The following PHACTR1 variants were observed in gnomAD, a reference collection of about 807,000 sequenced individuals.
PHACTR1 encodes phosphatase and actin regulator 1, also known as RPEL repeat containing 1.
In PHACTR1, 16 loss-of-function variants were observed where a neutral mutation model predicts 69.2. The observed-to-expected ratio is 0.23, with a 90% CI of 0.16 to 0.35. PHACTR1 has a LOEUF of 0.35. Among genes scored for constraint, PHACTR1 ranks in the 10% least tolerant of loss-of-function variants. The pLI is 1.00. For missense variants in PHACTR1, 510 were observed against 734.7 expected, an observed-to-expected ratio of 0.69 and a Z score of 3.54; for synonymous variants, 312 against 284.5, an observed-to-expected ratio of 1.10 and a Z score of -0.97.
At chr6:13,213,803 G>A (rs1301456748) in intron 8 of PHACTR1, among the ~76,000 whole-genome samples, 1 of 152,150 alleles carries the variant, frequency 6.6e-6, no homozygotes, top group Non-Finnish European at 1.5e-5. Flanking sequence ...CTTGATCTTG[G>A]ACTTTCCAGC....
chr6:12,930,987 G>A (rs1788801904), intron 4 of PHACTR1, among the ~76,000 whole-genome samples: 2 of 95,300 alleles, frequency 2.1e-5, no homozygotes, highest in African/African-American at 4.1e-5. Flanking sequence ...GGGGAAACAA[G>A]AGCAAAACTC....
chr6:13,249,847 A>T (rs1374256253), intron 10 of PHACTR1, among the ~76,000 whole-genome samples: 1 of 151,232 alleles, frequency 6.6e-6, no homozygotes, highest in Non-Finnish European at 1.5e-5. Flanking sequence ...CACCTATTTC[A>T]TTTTTCATTG....
intron 4 of PHACTR1, among the ~76,000 whole-genome samples, chr6:12,789,551 G>A (rs1249917852): frequency 6.6e-6 from 1 of 151,924 alleles, no homozygotes; most frequent in Non-Finnish European, 1.5e-5. Context: ...CACTCTTCCA[G>A]ACTCTATACT....
At chr6:12,750,534 AGGAG>A (rs1328671086) in intron 4 of PHACTR1, among the ~76,000 whole-genome samples, 1 of 132,940 alleles carries the variant, frequency 7.5e-6, no homozygotes, top group Non-Finnish European at 1.6e-5. Flanking sequence ...GAAGGAAAGA[AGGAG>A]GGAAGGAAGG....
At chr6:12,957,571 C>G in intron 4 of PHACTR1, 1 of 985,664 alleles carries the variant, frequency 1.0e-6, no homozygotes, top group Non-Finnish European at 1.2e-6. Flanking sequence ...GCCCCACCGG[C>G]TGGAGGCTGC....
chr6:13,037,895 T>C (rs1478654912), intron 4 of PHACTR1, among the ~76,000 whole-genome samples: 8 of 152,178 alleles, frequency 5.3e-5, no homozygotes, highest in Admixed American at 5.2e-4. Context: ...CCAGTTTTGA[T>C]GATGAGTTAG....
At chr6:12,806,044 C>G (rs1774291107) in intron 4 of PHACTR1, among the ~76,000 whole-genome samples, 1 of 152,186 alleles carries the variant, frequency 6.6e-6, no homozygotes, top group South Asian at 2.1e-4. Context: ...TCTCCTACCC[C>G]TTTTTCCCAA....
intron 4 of PHACTR1, among the ~76,000 whole-genome samples, chr6:12,982,247 A>T (rs1795608514): frequency 6.6e-6 from 1 of 152,166 alleles, no homozygotes; most frequent in South Asian, 2.1e-4. Flanking sequence ...GACAACCCCT[A>T]ATAGTCCTCT....
intron 4 of PHACTR1, among the ~76,000 whole-genome samples, chr6:12,896,717 G>C (rs1784707666): frequency 6.6e-6 from 1 of 152,220 alleles, no homozygotes; most frequent in Non-Finnish European, 1.5e-5. Flanking sequence ...AGGGAATAAA[G>C]TGTCTCCTTT....
At chr6:13,072,902 G>A (rs1809756655) in intron 5 of PHACTR1, among the ~76,000 whole-genome samples, 1 of 152,170 alleles carries the variant, frequency 6.6e-6, no homozygotes, top group South Asian at 2.1e-4. Flanking sequence ...ATAATGGTGT[G>A]AAGTTAAGGT....
intron 5 of PHACTR1, among the ~76,000 whole-genome samples, chr6:13,068,894 T>C (rs1355300653): frequency 6.6e-6 from 1 of 152,114 alleles, no homozygotes; most frequent in Admixed American, 6.5e-5. Flanking sequence ...AGGTACTAAA[T>C]GGAGCGACCT....
chr6:12,997,556 T>C (rs1235956758), intron 4 of PHACTR1, among the ~76,000 whole-genome samples: 1 of 152,056 alleles, frequency 6.6e-6, no homozygotes, highest in African/African-American at 2.4e-5. Context: ...ATTTATACAT[T>C]GCGTGATGAT....
intron 3 of PHACTR1, among the ~76,000 whole-genome samples, chr6:12,727,603 C>G (rs750498265): frequency 5.9e-5 from 9 of 152,292 alleles, no homozygotes; most frequent in East Asian, 1.9e-4. Flanking sequence ...CATTCCTGCT[C>G]TCACATACCA....
intron 5 of PHACTR1, among the ~76,000 whole-genome samples, chr6:13,074,777 A>G (rs1405474270): frequency 6.6e-6 from 1 of 152,214 alleles, no homozygotes; most frequent in Non-Finnish European, 1.5e-5. Context: ...ATCTTTCTAC[A>G]CAGTGGAGTA....
chr6:13,207,424 G>A (rs1040329263), intron 8 of PHACTR1, among the ~76,000 whole-genome samples: 1 of 152,146 alleles, frequency 6.6e-6, no homozygotes, highest in Non-Finnish European at 1.5e-5. Flanking sequence ...CACTACCAAG[G>A]CAGCTCCCTC....
At chr6:12,834,027 G>A (rs2127732824) in intron 4 of PHACTR1, among the ~76,000 whole-genome samples, 1 of 152,228 alleles carries the variant, frequency 6.6e-6, no homozygotes, top group East Asian at 1.9e-4. Context: ...TCCCCATCCT[G>A]ACAGTAGGCT....
chr6:13,228,162 C>T, intron 9 of PHACTR1, 99 bp downstream of exon 9: 1 of 1,439,224 alleles, frequency 6.9e-7, no homozygotes, highest in Non-Finnish European at 9.3e-7. Context: ...GGGTTCTAAT[C>T]CCTGCTCTGG....
intron 8 of PHACTR1, among the ~76,000 whole-genome samples, chr6:13,226,726 C>T (rs1247991445): frequency 6.7e-6 from 1 of 150,158 alleles, no homozygotes; most frequent in Admixed American, 6.7e-5. Context: ...TTTCGAACAA[C>T]AAACTTGTAT....
intron 5 of PHACTR1, among the ~76,000 whole-genome samples, chr6:13,080,282 T>C (rs577994302): frequency 6.6e-6 from 1 of 152,254 alleles, no homozygotes; most frequent in African/African-American, 2.4e-5. Context: ...TGCTGGAGTT[T>C]AGAATTTTGT....
Sources: gnomAD v4.1 joint callset for allele counts (sites outside exome capture counted in the v4.1 genomes callset) on GRCh38, gnomAD v4.1.1 for gene constraint, MANE v1.5 for transcripts, NCBI Gene and HGNC (gene_info 2026-07-23, HGNC 2026-07-21) for gene names.